The following CDIN1 variants were observed in gnomAD, a reference collection of about 807,000 sequenced individuals.
CDIN1 encodes the protein CDAN1-interacting nuclease 1.
CDIN1 carries 33 observed loss-of-function variants against 45.3 expected under a neutral mutation model. The observed-to-expected ratio is 0.73, with a 90% CI of 0.55 to 0.97. CDIN1 has a LOEUF of 0.97. CDIN1 is among the 50% of genes least tolerant of loss of function. The pLI is 0.00. For missense variants in CDIN1, 303 were observed against 339.4 expected, an observed-to-expected ratio of 0.89 and a Z score of 0.84; for synonymous variants, 118 against 124.4, an observed-to-expected ratio of 0.95 and a Z score of 0.34.
At chr15:36,707,710 C>A (rs1404787673) in intron 8 of CDIN1, 1 of 152,080 alleles carries the variant, frequency 6.6e-6, no homozygotes, top group Non-Finnish European at 1.5e-5. Flanking sequence ...TTCAATGTCA[C>A]CATTGCTTTT....
chr15:36,800,909 G>GTGTGTATGTATATA (rs1156514805), intron 10 of CDIN1, among the ~76,000 whole-genome samples: 1 of 22,374 alleles, frequency 4.5e-5, no homozygotes. Context: ...GTGTGTGTGT[G>GTGTGTATGTATATA]TATATATATA....
At chr15:36,787,080 C>T (rs539603186) in intron 10 of CDIN1, among the ~76,000 whole-genome samples, 285 of 152,282 alleles carry the variant, frequency 1.9e-3, no homozygotes, top group African/African-American at 6.6e-3. Flanking sequence ...CATTTCCAGA[C>T]GTGTGTCATC....
chr15:36,731,020 T>G (rs2043815338), intron 10 of CDIN1, among the ~76,000 whole-genome samples: 1 of 152,096 alleles, frequency 6.6e-6, no homozygotes, highest in Non-Finnish European at 1.5e-5. Flanking sequence ...GTCTGAGTTT[T>G]TGAGACCCTA....
At chr15:36,702,254 G>T (rs1221573567) in intron 8 of CDIN1, 1 of 646,780 alleles carries the variant, frequency 1.5e-6, no homozygotes, top group African/African-American at 1.8e-5. Flanking sequence ...AGGGTGGGAG[G>T]TGGGGGATTT....
chr15:36,785,717 G>A (rs985944207), intron 10 of CDIN1, among the ~76,000 whole-genome samples: 1 of 152,172 alleles, frequency 6.6e-6, no homozygotes, highest in African/African-American at 2.4e-5. Flanking sequence ...GCACCTCTCA[G>A]GAGTTCCAAT....
rs1190102339 is a variant in CDIN1 at position 36,579,825 on chromosome 15, T to G, written c.-36T>G. On this transcript the variant is annotated 5_prime_UTR_variant, in exon 1 of 11. Transcript: ENST00000566621. ...GCTACTTGAGCCCCAGGGTGTTTTT[T>G]CCTTGTTCCCGCCACCTCCTGGTCC... is the stretch of plus-strand genomic sequence containing the variant. 1.3e-6 allele frequency: 2 copies of G among 1,573,128 alleles called. No homozygotes were observed. Among genetic ancestry groups the G allele is most frequent in the African/African-American group, 1.3e-5 (1 of 74,092 alleles).
chr15:36,680,703 A>G (rs2041820885), intron 5 of CDIN1, among the ~76,000 whole-genome samples: 1 of 152,180 alleles, frequency 6.6e-6, no homozygotes, highest in Non-Finnish European at 1.5e-5. Context: ...ACCATATAAA[A>G]AGGACTAGAA....
intron 10 of CDIN1, among the ~76,000 whole-genome samples, chr15:36,783,348 CTTT>C (rs5811938): frequency 6.7e-6 from 1 of 148,234 alleles, no homozygotes; most frequent in Non-Finnish European, 1.5e-5. Context: ...ATTGGAGTAG[CTTT>C]TTTTTTTTTA....
intron 5 of CDIN1, among the ~76,000 whole-genome samples, chr15:36,677,196 C>A (rs2041678075): frequency 6.6e-6 from 1 of 152,054 alleles, no homozygotes; most frequent in African/African-American, 2.4e-5. Flanking sequence ...TTGCCAAATA[C>A]CCTGACAAAA....
chr15:36,755,134 T>C (rs2053575830), intron 10 of CDIN1, among the ~76,000 whole-genome samples: 1 of 152,206 alleles, frequency 6.6e-6, no homozygotes, highest in Admixed American at 6.5e-5. Flanking sequence ...AATGGAGCAG[T>C]AATTTTTGAA....
At chr15:36,778,624 A>G (rs1027332173) in intron 10 of CDIN1, among the ~76,000 whole-genome samples, 37 of 152,290 alleles carry the variant, frequency 2.4e-4, no homozygotes, top group African/African-American at 8.7e-4. Context: ...TATAGTGCAC[A>G]TCTCTCTAGC....
At chr15:36,686,165 G>A (rs1477146403) in intron 5 of CDIN1, among the ~76,000 whole-genome samples, 2 of 152,006 alleles carry the variant, frequency 1.3e-5, no homozygotes, top group African/African-American at 4.8e-5. Context: ...CAAGCCAAAT[G>A]TCCAACAATG....
intron 10 of CDIN1, among the ~76,000 whole-genome samples, chr15:36,788,219 C>T (rs1178618359): frequency 6.9e-6 from 1 of 145,738 alleles, no homozygotes; most frequent in East Asian, 2.1e-4. Context: ...TGGGTTCAAG[C>T]GATTCTTCTG....
intron 10 of CDIN1, among the ~76,000 whole-genome samples, chr15:36,732,574 T>A (rs1835286325): frequency 1.3e-5 from 2 of 152,038 alleles, no homozygotes; most frequent in Admixed American, 1.3e-4. Flanking sequence ...TAAGGGTAGA[T>A]TGAGTTGGTG....
At chr15:36,696,793 CTTTG>C (rs1232902835) in intron 7 of CDIN1, among the ~76,000 whole-genome samples, 3 of 151,920 alleles carry the variant, frequency 2.0e-5, no homozygotes, top group Non-Finnish European at 4.4e-5. Context: ...ATTTACAAAT[CTTTG>C]TTTGCCAAAA....
At position 36,592,112 on chromosome 15, in the gene CDIN1, G is replaced by A. The variant is rs150335805; in HGVS notation, c.101+12151G>A. Among the ~76,000 whole-genome samples the A allele has an allele frequency of 2.4e-3, 360 of 152,128 alleles. 3 individuals carry two copies. Among genetic ancestry groups the A allele is most frequent in the African/African-American group, 8.3e-3 (345 of 41,486 alleles). ...TTTAAGAAAAAATAAAATATCCTGA[G>A]TTTTAAATGTTGTCAATTTGTTTGA... On this transcript the variant is annotated intron_variant, in intron 1 of 10. Coordinates refer to ENST00000566621, the MANE Select transcript of CDIN1 (RefSeq NM_001321759.2).
chr15:36,619,216 GTGACA>G (rs1310588360), intron 1 of CDIN1: 8 of 1,310,024 alleles, frequency 6.1e-6, no homozygotes, highest in Non-Finnish European at 8.3e-6. Flanking sequence ...ACCTCAGGGA[GTGACA>G]TGACGTAATG....
intron 1 of CDIN1, among the ~76,000 whole-genome samples, chr15:36,606,590 A>G (rs780852802): frequency 2.0e-5 from 3 of 152,190 alleles, no homozygotes; most frequent in Non-Finnish European, 4.4e-5. Flanking sequence ...GCCATACAGG[A>G]CAAAGGCTAA....
At chr15:36,691,824 G>C (rs2042263047) in intron 6 of CDIN1, 60 bp downstream of exon 6, 2 of 1,311,078 alleles carry the variant, frequency 1.5e-6, no homozygotes, top group Non-Finnish European at 2.2e-6. Context: ...GCAGAGTAAA[G>C]GATTTTAAAC....
Sources: gnomAD v4.1 joint callset for allele counts (sites outside exome capture counted in the v4.1 genomes callset) on GRCh38, gnomAD v4.1.1 for gene constraint, MANE v1.5 for transcripts, NCBI Gene and HGNC (gene_info 2026-07-23, HGNC 2026-07-21) for gene names.